Variants in PSPC1 observed in about 807,000 individuals in gnomAD.
PSPC1 encodes the protein paraspeckle component 1.
PSPC1 carries 14 observed loss-of-function variants against 51.6 expected under a neutral mutation model. The ratio of observed to expected loss-of-function variants is 0.27; its 90% CI spans 0.18 to 0.42. The LOEUF is 0.42. Among genes scored for constraint, PSPC1 ranks in the 10% least tolerant of loss-of-function variants. The probability of loss-of-function intolerance (pLI) is 1.00; values close to 1 mark genes in which losing one functional copy is unlikely to be tolerated. For synonymous variants in PSPC1, 193 were observed against 231.9 expected (o/e 0.83, Z 1.53); for missense variants, 406 against 701.1 (o/e 0.58, Z 4.75).
In PSPC1 at chr13:19,782,004, A is replaced by C. The variant is rs1345818794; in HGVS notation, c.372+382T>G. Among the ~76,000 whole-genome samples the C allele has an allele frequency of 6.6e-6, 1 of 152,162 alleles. No homozygotes were observed. The highest frequency in any genetic ancestry group is 1.5e-5 in the Non-Finnish European group (1 of 68,024). On this transcript the variant is annotated intron_variant, in intron 1 of 8. Coordinates refer to ENST00000338910, the MANE Select transcript of PSPC1 (RefSeq NM_001354909.2). The surrounding 1 kb of genome is among the most constrained non-coding windows in gnomAD (Gnocchi z 4.5). Reference sequence around the variant, plus strand: ...TTTTGCCTTGAAGAATTCTCACCCCAAAACGCTGCCCGCCCCTGTCCCCGG... The same window carrying C: ...TTTTGCCTTGAAGAATTCTCACCCCCAAACGCTGCCCGCCCCTGTCCCCGG...
At chr13:19,754,160 C>T (rs1886839654) in intron 3 of PSPC1, among the ~76,000 whole-genome samples, 1 of 152,024 alleles carries the variant, frequency 6.6e-6, no homozygotes, top group Non-Finnish European at 1.5e-5. Flanking sequence ...TCTTGGCTCA[C>T]TGCAACCTCC....
chr13:19,677,365 G>C (rs1354963375), intron 7 of PSPC1, among the ~76,000 whole-genome samples: 1 of 151,470 alleles, frequency 6.6e-6, no homozygotes, highest in Non-Finnish European at 1.5e-5. Flanking sequence ...CTCACTCCAA[G>C]ACCTCTATGT....
intron 6 of PSPC1, among the ~76,000 whole-genome samples, chr13:19,686,851 C>A (rs149898534): frequency 1.2e-3 from 182 of 152,052 alleles, no homozygotes; most frequent in African/African-American, 3.8e-3. Flanking sequence ...GGGGTTAGTC[C>A]ACTTAGGGTT....
chr13:19,686,237 C>A (rs964483068), intron 6 of PSPC1, among the ~76,000 whole-genome samples: 1 of 152,202 alleles, frequency 6.6e-6, no homozygotes, highest in Admixed American at 6.5e-5. Flanking sequence ...CATTGCTCCA[C>A]ATCTTGCATT....
At chr13:19,780,291 A>AG (rs1889803634) in intron 1 of PSPC1, among the ~76,000 whole-genome samples, 1 of 140,550 alleles carries the variant, frequency 7.1e-6, no homozygotes, top group South Asian at 2.5e-4. Flanking sequence ...CTGCCTGGCC[A>AG]CCACCCCGTC....
At chr13:19,732,832 C>T (rs753767184) in intron 5 of PSPC1, among the ~76,000 whole-genome samples, 31 of 151,340 alleles carry the variant, frequency 2.0e-4, no homozygotes, top group Non-Finnish European at 3.8e-4. Context: ...GAGGCTGACG[C>T]AGGAGAATCG....
At chr13:19,692,494 G>GT (rs1432699146) in intron 6 of PSPC1, among the ~76,000 whole-genome samples, 5 of 152,172 alleles carry the variant, frequency 3.3e-5, no homozygotes, top group Non-Finnish European at 7.3e-5. Flanking sequence ...AGTTAGGAAT[G>GT]TATCATAGTC....
At chr13:19,746,550 C>T (rs1334179166) in intron 4 of PSPC1, among the ~76,000 whole-genome samples, 1 of 151,398 alleles carries the variant, frequency 6.6e-6, no homozygotes, top group African/African-American at 2.4e-5. Context: ...CATGGCAAAG[C>T]CCTGTCTCTA....
chr13:19,768,810 G>A (rs139706765), intron 2 of PSPC1, among the ~76,000 whole-genome samples: 2 of 150,640 alleles, frequency 1.3e-5, no homozygotes, highest in East Asian at 1.9e-4. Flanking sequence ...ATGAGATTGC[G>A]CTAAACTAAC....
At chr13:19,762,003 A>G (rs1887642947) in intron 2 of PSPC1, among the ~76,000 whole-genome samples, 1 of 152,234 alleles carries the variant, frequency 6.6e-6, no homozygotes, top group Non-Finnish European at 1.5e-5. Flanking sequence ...ATATGAAGCC[A>G]AGGGAAACCG....
intron 3 of PSPC1, among the ~76,000 whole-genome samples, chr13:19,753,112 CT>C (rs915243675): frequency 4.6e-5 from 7 of 151,810 alleles, no homozygotes; most frequent in African/African-American, 1.4e-4. Context: ...GAAACCGCCC[CT>C]CTCTACTAAA....
At chr13:19,707,367 CATT>C (rs1227169443) in intron 7 of PSPC1, among the ~76,000 whole-genome samples, 1 of 152,156 alleles carries the variant, frequency 6.6e-6, no homozygotes, top group African/African-American at 2.4e-5. Context: ...AAAATGTTAG[CATT>C]ATCTGATTAC....
At chr13:19,756,497 G>A (rs1158591171) in intron 3 of PSPC1, among the ~76,000 whole-genome samples, 1 of 151,894 alleles carries the variant, frequency 6.6e-6, no homozygotes, top group Admixed American at 6.6e-5. Context: ...TGGCAAAAGG[G>A]TAAAGAAAAC....
At chr13:19,749,459 G>A (rs1415822150) in intron 4 of PSPC1, among the ~76,000 whole-genome samples, 4 of 151,072 alleles carry the variant, frequency 2.6e-5, no homozygotes, top group South Asian at 2.1e-4. Context: ...CATGGGAGGC[G>A]GAAGTTGCAG....
In PSPC1 at chr13:19,736,066, T is replaced by C. The variant is rs369823896; in HGVS notation, c.1052+5499A>G. Among the ~76,000 whole-genome samples the C allele has an allele frequency of 9.9e-5, 15 of 152,076 alleles. No individual in the cohort carries two copies. The East Asian group carries it at 2.5e-3, about 26-fold the overall frequency. ...CGATCTCCTGACCTTGTGATCCGCC[T>C]GCCTCGGCCTCCCAAAGTGCTGGGA... On this transcript the variant is annotated intron_variant, in intron 5 of 8. Transcript: ENST00000338910.
At chr13:19,672,988 C>G (rs1460956865), downstream of PSPC1, 5 of 415,612 alleles carry the variant, frequency 1.2e-5, no homozygotes, top group Admixed American at 6.1e-5. Flanking sequence ...CCAGGGAGGT[C>G]AAGGCTGCAG....
At chr13:19,749,385 T>G (rs1260494149) in intron 4 of PSPC1, among the ~76,000 whole-genome samples, 1 of 151,562 alleles carries the variant, frequency 6.6e-6, no homozygotes, top group Admixed American at 6.6e-5. Flanking sequence ...CTGGGCGTGG[T>G]AGCACGCACC....
chr13:19,711,872 T>C (rs1881490506), intron 6 of PSPC1, among the ~76,000 whole-genome samples: 3 of 151,366 alleles, frequency 2.0e-5, no homozygotes, highest in Non-Finnish European at 4.4e-5. Context: ...GACTGTAATA[T>C]AAAATTGCTA....
At chr13:19,749,085 G>A (rs1467038991) in intron 4 of PSPC1, among the ~76,000 whole-genome samples, 2 of 152,002 alleles carry the variant, frequency 1.3e-5, no homozygotes, top group Non-Finnish European at 2.9e-5. Flanking sequence ...AGTGGCTCAT[G>A]CCTGCAATCC....
Sources: allele counts gnomAD v4.1 joint callset (sites outside exome capture counted in the v4.1 genomes callset), GRCh38; gene constraint gnomAD v4.1.1; non-coding constraint Gnocchi (gnomAD v3.1); transcripts MANE v1.5; gene names NCBI Gene and HGNC (gene_info 2026-07-23, HGNC 2026-07-21).